Variants in TSPO observed in about 807,000 individuals in gnomAD.
TSPO encodes the protein translocator protein, also known as benzodiazepine peripheral binding site.
TSPO carries 14 observed loss-of-function variants against 13.9 expected under a neutral mutation model. The ratio of observed to expected loss-of-function variants is 1.01; its 90% CI spans 0.67 to 1.58. The LOEUF (loss-of-function observed/expected upper bound fraction) is 1.58. Ranked by LOEUF, TSPO falls within the 40% of genes most tolerant of loss-of-function variation. The pLI is 0.00. For synonymous variants in TSPO, 114 were observed against 105.9 expected, an observed-to-expected ratio of 1.08 and a Z score of -0.47; for missense variants, 232 against 229.6, an observed-to-expected ratio of 1.01 and a Z score of -0.07.
At chr22:43,154,022 T>A (rs1036441986) in intron 1 of TSPO, among the ~76,000 whole-genome samples, 4 of 152,186 alleles carry the variant, frequency 2.6e-5, no homozygotes, top group African/African-American at 7.2e-5. Flanking sequence ...GAAGTAGTCT[T>A]TCTTAACAGA....
rs1277785348 is a variant in TSPO, at chr22:43,161,341, G to C, written c.321+151G>C. 5.0e-6 allele frequency: 6 copies of C among 1,205,738 alleles called. No homozygotes were observed. The Admixed American group carries it at 1.5e-4, about 30-fold the overall frequency. The allele number at this position is 1,205,738 out of a possible 1,614,324, so 74.7% of individuals were successfully genotyped here. A position where few individuals can be genotyped will look rare whatever the true frequency, so the allele number is the denominator to read the frequency against. On this transcript the variant is annotated intron_variant, in intron 3 of 3. Transcript: ENST00000337554. ...CTAGCTGTAAGCAGCCCACACCCTG[G>C]AGCCTCCCCTCTACTGACTCCTCCG...
At chr22:43,161,486 GCTT>G (rs1015787627) in intron 3 of TSPO, among the ~76,000 whole-genome samples, 24 of 151,486 alleles carry the variant, frequency 1.6e-4, no homozygotes, top group East Asian at 5.8e-4. Context: ...CTACATAACA[GCTT>G]CTTCTTTTTT....
rs1931512085 is a variant in TSPO at position 43,163,159 on chromosome 22, A to C, written c.*168A>C. 6.9e-7 allele frequency: 1 copy of C among 1,455,928 alleles called. No individual in the cohort carries two copies. Among genetic ancestry groups the C allele is most frequent in the Non-Finnish European group, 9.0e-7 (1 of 1,107,544 alleles). 90.2% of individuals were successfully genotyped at this position (1,455,928 alleles called of 1,614,324 possible). On this transcript the variant is annotated 3_prime_UTR_variant, in exon 4 of 4. Coordinates refer to ENST00000337554, the MANE Select transcript of TSPO (RefSeq NM_000714.6). ...CCCACCTGAGCCCCCACCCGGGAGC[A>C]GTGTCCTGTGCTTTCTGCATGCTTA... is the stretch of plus-strand genomic sequence containing the variant.
intron 3 of TSPO, 58 bp from the exon 4 acceptor site, chr22:43,162,745 C>G: frequency 6.8e-7 from 1 of 1,466,020 alleles, no homozygotes; most frequent in South Asian, 1.4e-5. Flanking sequence ...GTGGGACAGG[C>G]ACTTGGGTGA....
intron 1 of TSPO, among the ~76,000 whole-genome samples, chr22:43,157,153 G>A (rs982818464): frequency 1.3e-5 from 2 of 152,082 alleles, no homozygotes; most frequent in African/African-American, 2.4e-5. Context: ...TCCACTTGGC[G>A]GTGGTGCAGG....
chr22:43,161,512 G>C (rs1269478491), intron 3 of TSPO, among the ~76,000 whole-genome samples: 1 of 151,538 alleles, frequency 6.6e-6, no homozygotes, highest in East Asian at 1.9e-4. Context: ...TTTTGAGACA[G>C]AGTCTCACTC....
Position 43,163,149 on chromosome 22 carries a change from AC to A in TSPO, c.*161del. ...CAGAGGTGGCCCCACCTGAGCCCCC[AC>A]CCGGGAGCAGTGTCCTGTGCTTTCT... On this transcript the variant is annotated 3_prime_UTR_variant, in exon 4 of 4. Coordinates refer to ENST00000337554, the MANE Select transcript of TSPO (RefSeq NM_000714.6). 2.1e-6 allele frequency: 3 copies of A among 1,462,628 alleles called. No homozygotes were observed. The Admixed American group carries it at 7.5e-5, about 36-fold the overall frequency. 90.6% of individuals were successfully genotyped at this position (1,462,628 alleles called of 1,614,324 possible). A position where few individuals can be genotyped will look rare whatever the true frequency, so the allele number is the denominator to read the frequency against.
chr22:43,160,579 T>C (rs1227773948), intron 2 of TSPO, among the ~76,000 whole-genome samples: 1 of 152,272 alleles, frequency 6.6e-6, no homozygotes, highest in African/African-American at 2.4e-5. Flanking sequence ...ACAGCTCCCA[T>C]GATCAGGCCT....
At chr22:43,160,335 C>T (rs9333338) in intron 2 of TSPO, among the ~76,000 whole-genome samples, 5,787 of 152,284 alleles carry the variant, frequency 0.038, 376 homozygotes, top group African/African-American at 0.13. Context: ...AGGTGACAGC[C>T]GGGGCTCTGG....
intron 1 of TSPO, among the ~76,000 whole-genome samples, chr22:43,155,940 T>TCA (rs1320555536): frequency 1.3e-5 from 2 of 152,200 alleles, no homozygotes; most frequent in African/African-American, 2.4e-5. Context: ...CTCATCATGG[T>TCA]GGGTACCGCC....
At chr22:43,152,775 T>C (rs1415574469) in intron 1 of TSPO, among the ~76,000 whole-genome samples, 3 of 152,350 alleles carry the variant, frequency 2.0e-5, no homozygotes, top group East Asian at 1.9e-4. Flanking sequence ...CCGTGCAGGC[T>C]GATCCCAGCC....
In TSPO at chr22:43,163,124, C is replaced by T; in HGVS notation, c.*133C>T. On this transcript the variant is annotated 3_prime_UTR_variant, in exon 4 of 4. Coordinates refer to ENST00000337554, the MANE Select transcript of TSPO (RefSeq NM_000714.6). The stretch of plus-strand genomic sequence containing the variant: ...CTTGGCCCAGGGGTCAGCAGAGCTT[C>T]AGAGGTGGCCCCACCTGAGCCCCCA... The T allele has an allele frequency of 6.7e-7, 1 of 1,490,278 alleles. No homozygotes were observed. Among genetic ancestry groups the T allele is most frequent in the South Asian group, 1.3e-5 (1 of 74,368 alleles). The allele number at this position is 1,490,278 out of a possible 1,614,324, so 92.3% of individuals were successfully genotyped here.
At chr22:43,151,684 A>C (rs997767421) in intron 1 of TSPO, 80 bp downstream of exon 1, 1 of 152,294 alleles carries the variant, frequency 6.6e-6, no homozygotes, top group African/African-American at 2.4e-5. Flanking sequence ...GCCGCGGGAC[A>C]GAGGGAAACT....
chr22:43,159,537 C>A, intron 2 of TSPO, 117 bp downstream of exon 2: 1 of 1,140,372 alleles, frequency 8.8e-7, no homozygotes, highest in South Asian at 2.2e-5. Flanking sequence ...TTCCCCAGCC[C>A]CATTTGGCAA....
chr22:43,160,985 A>G, intron 2 of TSPO, 67 bp from the exon 3 acceptor site: 2 of 1,550,638 alleles, frequency 1.3e-6, no homozygotes, highest in South Asian at 1.2e-5. Flanking sequence ...TCACTGTGCC[A>G]CTCGGAGGTG....
intron 3 of TSPO, 85 bp from the exon 4 acceptor site, chr22:43,162,718 C>T: frequency 7.3e-7 from 1 of 1,361,252 alleles, no homozygotes; most frequent in Non-Finnish European, 9.9e-7. Context: ...ACTCCCAAAT[C>T]CAGTGGGAGT....
intron 1 of TSPO, chr22:43,152,198 C>G (rs1224874255): frequency 6.6e-6 from 1 of 152,430 alleles, no homozygotes; most frequent in African/African-American, 2.4e-5. Flanking sequence ...TCCCCTACCC[C>G]TTGCAAAGAA....
intron 1 of TSPO, among the ~76,000 whole-genome samples, chr22:43,157,311 C>T (rs1931283111): frequency 1.0e-5 from 1 of 99,652 alleles, no homozygotes; most frequent in Non-Finnish European, 2.0e-5. Flanking sequence ...GAGGGAGGGG[C>T]GGGGCAGGAG....
chr22:43,157,968 G>C (rs1241861987), intron 1 of TSPO, among the ~76,000 whole-genome samples: 1 of 152,230 alleles, frequency 6.6e-6, no homozygotes, highest in Non-Finnish European at 1.5e-5. Flanking sequence ...TCAGAAGCTT[G>C]GTTTGTGGGG....
Sources: allele counts gnomAD v4.1 joint callset (sites outside exome capture counted in the v4.1 genomes callset), GRCh38; gene constraint gnomAD v4.1.1; transcripts MANE v1.5; gene names NCBI Gene and HGNC (gene_info 2026-07-23, HGNC 2026-07-21).